The following MIPEP variants were observed in gnomAD, a reference collection of about 807,000 sequenced individuals.
The protein encoded by MIPEP is mitochondrial intermediate peptidase.
Under a neutral mutation model 90.3 loss-of-function variants are expected in MIPEP, and 79 were observed. The observed-to-expected ratio is 0.87, with a 90% confidence interval of 0.73 to 1.05. The LOEUF is 1.05. MIPEP is among the 50% of genes least tolerant of loss of function. The pLI is 0.00. For synonymous variants in MIPEP, 334 were observed against 315.8 expected, an observed-to-expected ratio of 1.06 and a Z score of -0.61; for missense variants, 940 against 905.6, an observed-to-expected ratio of 1.04 and a Z score of -0.49.
intron 16 of MIPEP, among the ~76,000 whole-genome samples, chr13:23,780,174 C>CCCCG (rs2137359773): frequency 6.6e-6 from 1 of 152,308 alleles, no homozygotes; most frequent in East Asian, 1.9e-4. Flanking sequence ...GGTCCCTGAC[C>CCCCG]CCCGAGTAGC....
intron 12 of MIPEP, among the ~76,000 whole-genome samples, chr13:23,838,217 C>T (rs1869141776): frequency 6.6e-6 from 1 of 151,972 alleles, no homozygotes; most frequent in African/African-American, 2.4e-5. Context: ...GATCGCAGTT[C>T]ACTGCAGCCT....
chr13:23,821,419 A>G (rs905655425), intron 14 of MIPEP, among the ~76,000 whole-genome samples: 5 of 152,128 alleles, frequency 3.3e-5, no homozygotes, highest in Non-Finnish European at 5.9e-5. Flanking sequence ...AATCCCACCA[A>G]GTCCAAATGA....
chr13:23,805,358 G>T (rs1953096326), intron 16 of MIPEP, among the ~76,000 whole-genome samples: 1 of 152,116 alleles, frequency 6.6e-6, no homozygotes, highest in African/African-American at 2.4e-5. Context: ...GACATATAAT[G>T]TGTCTGTGCC....
chr13:23,789,974 A>C (rs990424672), intron 16 of MIPEP, among the ~76,000 whole-genome samples: 2 of 152,132 alleles, frequency 1.3e-5, no homozygotes, highest in Non-Finnish European at 2.9e-5. Context: ...TCATCAGCAA[A>C]ACCACCTGTA....
chr13:23,777,915 C>T (rs1952735856), intron 16 of MIPEP, among the ~76,000 whole-genome samples: 1 of 152,134 alleles, frequency 6.6e-6, no homozygotes, highest in Non-Finnish European at 1.5e-5. Flanking sequence ...GAGTGTTCAA[C>T]TTCTTAGAGG....
chr13:23,818,263 A>T (rs997764427), intron 14 of MIPEP, among the ~76,000 whole-genome samples: 10 of 151,954 alleles, frequency 6.6e-5, no homozygotes, highest in Non-Finnish European at 1.5e-4. Flanking sequence ...CTTAAAAAAA[A>T]AAAAAAATTA....
intron 9 of MIPEP, among the ~76,000 whole-genome samples, chr13:23,859,805 T>A (rs998215008): frequency 6.6e-5 from 10 of 152,240 alleles, no homozygotes; most frequent in Non-Finnish European, 7.3e-5. Context: ...CTACTCTCCT[T>A]ATTACCATTA....
At chr13:23,873,068 CTG>C (rs1323835923) in intron 5 of MIPEP, among the ~76,000 whole-genome samples, 2 of 152,206 alleles carry the variant, frequency 1.3e-5, no homozygotes, top group Non-Finnish European at 2.9e-5. Flanking sequence ...TGCCACATGA[CTG>C]AAATAAGTAA....
intron 1 of MIPEP, chr13:23,888,253 G>A (rs1276884741): frequency 1.2e-5 from 3 of 251,358 alleles, no homozygotes; most frequent in Middle Eastern, 1.2e-3. Flanking sequence ...AAGGAAGGTG[G>A]TGTAGCAAAT....
intron 10 of MIPEP, among the ~76,000 whole-genome samples, chr13:23,843,090 T>C (rs1225097203): frequency 3.9e-5 from 4 of 102,198 alleles, no homozygotes; most frequent in East Asian, 2.9e-4. Flanking sequence ...AGCAAGACTC[T>C]CCATCTCAAA....
chr13:23,731,754 T>C (rs1952207562), intron 18 of MIPEP, among the ~76,000 whole-genome samples: 1 of 152,118 alleles, frequency 6.6e-6, no homozygotes, highest in Admixed American at 6.5e-5. Context: ...CCAGAAAATA[T>C]AAAGAACTCC....
chr13:23,845,571 T>C (rs1869500533), intron 10 of MIPEP, among the ~76,000 whole-genome samples: 1 of 152,214 alleles, frequency 6.6e-6, no homozygotes, highest in Non-Finnish European at 1.5e-5. Context: ...TCTGTTAAAG[T>C]GATGCCATAG....
At chr13:23,844,877 C>T (rs969472785) in intron 10 of MIPEP, among the ~76,000 whole-genome samples, 1 of 151,954 alleles carries the variant, frequency 6.6e-6, no homozygotes, top group African/African-American at 2.4e-5. Flanking sequence ...TACAATATTA[C>T]CCTAAAATGA....
chr13:23,749,785 T>G (rs577464327), intron 18 of MIPEP, among the ~76,000 whole-genome samples: 238 of 152,324 alleles, frequency 1.6e-3, no homozygotes, highest in Non-Finnish European at 2.5e-3. Flanking sequence ...AACATAAAAC[T>G]GATCTTGGCA....
At chr13:23,883,522 C>T (rs867149909) in intron 2 of MIPEP, among the ~76,000 whole-genome samples, 1 of 152,060 alleles carries the variant, frequency 6.6e-6, no homozygotes, top group African/African-American at 2.4e-5. Flanking sequence ...TGCATATAAC[C>T]GACACACAGC....
chr13:23,771,054 TG>T (rs562467889), intron 16 of MIPEP, among the ~76,000 whole-genome samples: 1 of 152,114 alleles, frequency 6.6e-6, no homozygotes, highest in East Asian at 1.9e-4. Flanking sequence ...GCACAGTCAC[TG>T]GGGGGTGCAG....
intron 18 of MIPEP, among the ~76,000 whole-genome samples, chr13:23,739,233 G>A (rs1326762787): frequency 6.6e-6 from 1 of 152,250 alleles, no homozygotes; most frequent in African/African-American, 2.4e-5. Context: ...CTACAGATCT[G>A]TAGTGGGGAC....
At chr13:23,754,526 T>C (rs892258573) in intron 18 of MIPEP, among the ~76,000 whole-genome samples, 13 of 152,252 alleles carry the variant, frequency 8.5e-5, no homozygotes, top group Non-Finnish European at 7.3e-5. Flanking sequence ...GCAGAAAATA[T>C]TAAGTTTCTT....
intron 18 of MIPEP, among the ~76,000 whole-genome samples, chr13:23,730,767 G>C (rs1481627506): frequency 6.6e-6 from 1 of 151,834 alleles, no homozygotes; most frequent in African/African-American, 2.4e-5. Context: ...TTTTTTTTTA[G>C]TTATCTTTGA....
Sources: gnomAD v4.1 joint callset for allele counts (sites outside exome capture counted in the v4.1 genomes callset) on GRCh38, gnomAD v4.1.1 for gene constraint, MANE v1.5 for transcripts, NCBI Gene and HGNC (gene_info 2026-07-23, HGNC 2026-07-21) for gene names.